Variants in TP63 observed in about 807,000 individuals in gnomAD.
The protein encoded by TP63 is tumor protein p63.
A neutral mutation model predicts 82.8 loss-of-function variants in TP63; 17 were observed. The ratio of observed to expected loss-of-function variants is 0.21; its 90% confidence interval spans 0.14 to 0.31. TP63 has a LOEUF of 0.31. Ranked by LOEUF, TP63 falls within the 10% of genes least tolerant of loss-of-function variation. The probability of loss-of-function intolerance (pLI) is 1.00; values close to 1 mark genes in which losing one functional copy is unlikely to be tolerated. For synonymous variants in TP63, 330 were observed against 321.7 expected (o/e 1.03, Z -0.28); for missense variants, 648 against 895.3 (o/e 0.72, Z 3.52).
the TP63 span, among the ~76,000 whole-genome samples, chr3:189,603,419 T>G: frequency 6.6e-6 from 1 of 151,966 alleles, no homozygotes; most frequent in Admixed American, 6.6e-5. Flanking sequence ...AAGACCTATT[T>G]CCTTCATAGT....
intron 1 of TP63, among the ~76,000 whole-genome samples, chr3:189,640,299 T>A (rs1711711264): frequency 6.6e-6 from 1 of 152,124 alleles, no homozygotes. Context: ...AACTAAATGA[T>A]GAACAATCAA....
intron 3 of TP63, among the ~76,000 whole-genome samples, chr3:189,780,865 G>C: frequency 6.6e-6 from 1 of 152,132 alleles, no homozygotes; most frequent in East Asian, 1.9e-4. Flanking sequence ...GTCCAGCTAA[G>C]GTTTCAGTCT....
At chr3:189,682,553 AATATATATATATATATATATATATAT>A (rs1179179631) in intron 1 of TP63, among the ~76,000 whole-genome samples, 2 of 10,374 alleles carry the variant, frequency 1.9e-4, no homozygotes, top group East Asian at 0.011. Flanking sequence ...AAAAAAAAAA[AATATATATATATATATATATATATAT>A]ATATATATAT....
chr3:189,836,140 A>G (rs1713120302), intron 4 of TP63, among the ~76,000 whole-genome samples: 2 of 152,028 alleles, frequency 1.3e-5, no homozygotes, highest in Non-Finnish European at 2.9e-5. Flanking sequence ...TCCATATTCC[A>G]CATTCAGGAA....
intron 1 of TP63, among the ~76,000 whole-genome samples, chr3:189,730,344 T>C (rs928077602): frequency 1.3e-5 from 2 of 152,220 alleles, no homozygotes; most frequent in African/African-American, 4.8e-5. Context: ...CCCATTTTCT[T>C]ATGCCAATTT....
intron 1 of TP63, among the ~76,000 whole-genome samples, chr3:189,694,790 C>CTTTTTTGTTTTTTTT (rs1717225632): frequency 3.1e-5 from 1 of 32,730 alleles, no homozygotes; most frequent in African/African-American, 1.1e-4. Flanking sequence ...TATTTACAGC[C>CTTTTTTGTTTTTTTT]TTTTTTTTTT....
rs1016144781 is a variant in TP63 at position 189,894,101 on chromosome 3, C to T, written c.1747-105C>T. On this transcript the variant is annotated intron_variant, in intron 13 of 13. Coordinates refer to ENST00000264731, the MANE Select transcript of TP63 (RefSeq NM_003722.5). ...TTTCTAATTTGTGGATCAATAGATT[C>T]AGATCAATTAAACCAGAGCATCAGG... 3 of 1,382,096 alleles carry T rather than the reference C, an allele frequency of 2.2e-6. No individual in the cohort carries two copies. The African/African-American group carries it at 4.3e-5, about 20-fold the overall frequency. 85.6% of individuals were successfully genotyped at this position (1,382,096 alleles called of 1,614,324 possible).
the TP63 span, among the ~76,000 whole-genome samples, chr3:189,626,062 A>C: frequency 4.6e-5 from 7 of 152,310 alleles, 1 homozygote; most frequent in South Asian, 1.0e-3. Flanking sequence ...AAATCAGAAG[A>C]AGCACATGGC....
chr3:189,641,670 C>A (rs933453773), intron 1 of TP63, among the ~76,000 whole-genome samples: 2 of 151,856 alleles, frequency 1.3e-5, no homozygotes, highest in Non-Finnish European at 2.9e-5. Flanking sequence ...TTATTATTTC[C>A]CTTATTTTTG....
At chr3:189,876,439 C>T (rs1038506968) in intron 10 of TP63, among the ~76,000 whole-genome samples, 4 of 152,086 alleles carry the variant, frequency 2.6e-5, no homozygotes, top group African/African-American at 9.7e-5. Context: ...TTTTTAAAAG[C>T]ACACAAGATT....
At chr3:189,688,416 A>G (rs1202266645) in intron 1 of TP63, among the ~76,000 whole-genome samples, 2 of 152,148 alleles carry the variant, frequency 1.3e-5, no homozygotes, top group African/African-American at 4.8e-5. Context: ...TTGATTATAA[A>G]CAGACAGTTG....
In TP63 at chr3:189,886,332, A is replaced by G. The variant is rs111536509; in HGVS notation, c.1350-62A>G. ...TGTTTTAAACAGAGACCTGTTGAAA[A>G]TCAATAGTCCCCACTCTTCAGTGTC... On this transcript the variant is annotated intron_variant, in intron 10 of 13. Coordinates refer to ENST00000264731, the MANE Select transcript of TP63 (RefSeq NM_003722.5). 7.8e-4 allele frequency: 1,220 copies of G among 1,572,954 alleles called. 12 individuals carry two copies. The African/African-American group carries it at 0.014, about 19-fold the overall frequency.
intron 1 of TP63, among the ~76,000 whole-genome samples, chr3:189,734,319 C>G (rs1255799469): frequency 6.6e-6 from 1 of 151,770 alleles, no homozygotes; most frequent in Admixed American, 6.6e-5. Context: ...TTACAGGCAC[C>G]GGCCGCCAAG....
At chr3:189,741,728 A>G (rs1002499999) in intron 3 of TP63, among the ~76,000 whole-genome samples, 3 of 152,240 alleles carry the variant, frequency 2.0e-5, no homozygotes, top group Non-Finnish European at 4.4e-5. Context: ...CTAAACATTT[A>G]TAACTAGCCA....
At chr3:189,794,065 G>A (rs1725441264) in intron 3 of TP63, among the ~76,000 whole-genome samples, 1 of 152,022 alleles carries the variant, frequency 6.6e-6, no homozygotes, top group South Asian at 2.1e-4. Flanking sequence ...ATAGTGAAAT[G>A]TGGCTTATTA....
At chr3:189,782,465 C>T (rs963585679) in intron 3 of TP63, among the ~76,000 whole-genome samples, 3 of 151,954 alleles carry the variant, frequency 2.0e-5, no homozygotes, top group Admixed American at 6.6e-5. Context: ...TAGTTTTAAT[C>T]CGGCTATTCA....
the TP63 span, among the ~76,000 whole-genome samples, chr3:189,615,495 G>T: frequency 1.3e-5 from 2 of 152,046 alleles, no homozygotes; most frequent in African/African-American, 4.8e-5. Flanking sequence ...TGTGTGTTTG[G>T]TCTCTTTTCC....
At chr3:189,617,522 G>A in the TP63 span, among the ~76,000 whole-genome samples, 2 of 152,106 alleles carry the variant, frequency 1.3e-5, no homozygotes, top group African/African-American at 2.4e-5. Context: ...ACATTATTGA[G>A]GTTGCAAAAG....
At chr3:189,654,575 G>A (rs540854158) in intron 1 of TP63, among the ~76,000 whole-genome samples, 20 of 152,176 alleles carry the variant, frequency 1.3e-4, no homozygotes, top group Admixed American at 1.2e-3. Flanking sequence ...TGGTAGAGAT[G>A]TATTACCAAT....
Sources: allele counts gnomAD v4.1 joint callset (sites outside exome capture counted in the v4.1 genomes callset), GRCh38; gene constraint gnomAD v4.1.1; transcripts MANE v1.5; gene names NCBI Gene and HGNC (gene_info 2026-07-23, HGNC 2026-07-21).